The following SPATA2L variants were observed in gnomAD, a reference collection of about 807,000 sequenced individuals.
The protein encoded by SPATA2L is spermatogenesis associated 2 like, also known as spermatogenesis-associated protein 2-like protein.
In SPATA2L, 5 loss-of-function variants were observed where a neutral mutation model predicts 8.7. The ratio of observed to expected loss-of-function variants is 0.57; its 90% CI spans 0.30 to 1.21. The LOEUF (loss-of-function observed/expected upper bound fraction) is 1.21. Ranked by LOEUF, SPATA2L falls within the 50% of genes most tolerant of loss-of-function variation. The pLI is 0.07. For missense variants in SPATA2L, 671 were observed against 591.0 expected (o/e 1.14, Z -1.40); for synonymous variants, 358 against 275.8 (o/e 1.30, Z -2.95).
Position 89,701,252 on chromosome 16 carries a change from G to A in SPATA2L, c.-1-19C>T, listed in dbSNP as rs1471487870. ...GCCCATCCTGCGGCGGACGGGGGTC[G>A]GGGGGGTCAGGGACCTAAGGCCGCG... On this transcript the variant is annotated intron_variant, in intron 1 of 2. Transcript: ENST00000289805. The A allele has an allele frequency of 2.9e-6, 4 of 1,383,976 alleles. No individual in the cohort carries two copies. Among genetic ancestry groups the A allele is most frequent in the Non-Finnish European group, 3.7e-6 (4 of 1,069,768 alleles). 85.7% of individuals were successfully genotyped at this position (1,383,976 alleles called of 1,614,324 possible).
At chr16:89,699,286 T>C (rs2151611139) in intron 2 of SPATA2L, among the ~76,000 whole-genome samples, 1 of 152,318 alleles carries the variant, frequency 6.6e-6, no homozygotes, top group South Asian at 2.1e-4. Context: ...ACAGATTTCG[T>C]TTGCTCCTCG....
chr16:89,697,702 C>G lies in SPATA2L; in HGVS notation c.907G>C (p.Glu303Gln). 1 of 1,612,074 alleles carries G rather than the reference C, an allele frequency of 6.2e-7. No homozygotes were observed. Among genetic ancestry groups the G allele is most frequent in the Non-Finnish European group, 8.5e-7 (1 of 1,179,520 alleles). The change falls in exon 3 of 3, where the codon GAA becomes CAA. Residue 303 changes from glutamate to glutamine, a missense_variant. By Grantham distance (29) the Glu-to-Gln change is conservative. Transcript: ENST00000289805. ...YGALEEGLEP[E>Q]PSAFSFLSLR... The stretch of plus-strand genomic sequence containing the variant: ...GAGAGGAAGGAGAAGGCGGAAGGTT[C>G]AGGTTCCAGCCCCTCCTCCAAGGCC...
intron 2 of SPATA2L, among the ~76,000 whole-genome samples, chr16:89,699,553 C>CT (rs374276446): frequency 0.033 from 4,701 of 142,064 alleles, 130 homozygotes; most frequent in African/African-American, 0.076. Context: ...GGTGAGTGCT[C>CT]TTTTTTTTTT....
chr16:89,701,388 A>C, intron 1 of SPATA2L, 155 bp from the exon 2 acceptor site: 1 of 661,612 alleles, frequency 1.5e-6, no homozygotes, highest in Non-Finnish European at 2.3e-6. Flanking sequence ...GGCACCCCCT[A>C]CGCTGGAGAC....
chr16:89,696,549 C>T lies in SPATA2L; in HGVS notation c.*785G>A, dbSNP rs1037268705. On this transcript the variant is annotated 3_prime_UTR_variant, in exon 3 of 3. Coordinates refer to ENST00000289805, the MANE Select transcript of SPATA2L (RefSeq NM_152339.4). Reference sequence around the variant, plus strand: ...AGACCCGAGGGTAGGGCAGAGGCACCTCCTCGCCAGCCTGTGGGCTGCACC... The same window carrying T: ...AGACCCGAGGGTAGGGCAGAGGCACTTCCTCGCCAGCCTGTGGGCTGCACC... 8 of 462,340 alleles carry T rather than the reference C, an allele frequency of 1.7e-5. No individual in the cohort carries two copies. Among genetic ancestry groups the T allele is most frequent in the Non-Finnish European group, 3.1e-5 (8 of 259,748 alleles). The allele number at this position is 462,340 out of a possible 1,614,324, so 28.6% of individuals were successfully genotyped here.
At chr16:89,700,111 CA>C (rs772344161) in intron 2 of SPATA2L, among the ~76,000 whole-genome samples, 3 of 152,210 alleles carry the variant, frequency 2.0e-5, no homozygotes, top group Non-Finnish European at 4.4e-5. Flanking sequence ...CTAATTTGGC[CA>C]AGTCCTCGCG....
intron 2 of SPATA2L, among the ~76,000 whole-genome samples, chr16:89,699,924 G>C (rs2060764817): frequency 6.6e-6 from 1 of 152,212 alleles, no homozygotes; most frequent in African/African-American, 2.4e-5. Context: ...AGCGTCTCCT[G>C]ACTCTCAAAT....
chr16:89,696,928 T>C lies in SPATA2L; in HGVS notation c.*406A>G. The stretch of plus-strand genomic sequence containing the variant: ...TGAGGACACTCGTGTGGAGAATCCC[T>C]GGGACACGTGGAGGACCCCCAAGTC... On this transcript the variant is annotated 3_prime_UTR_variant, in exon 3 of 3. Coordinates refer to ENST00000289805, the MANE Select transcript of SPATA2L (RefSeq NM_152339.4). 6.6e-7 allele frequency: 1 copy of C among 1,518,014 alleles called. No homozygotes were observed. The highest frequency in any genetic ancestry group is 1.4e-5 in the African/African-American group (1 of 72,912). 94.0% of individuals were successfully genotyped at this position (1,518,014 alleles called of 1,614,324 possible). A position where few individuals can be genotyped will look rare whatever the true frequency, so the allele number is the denominator to read the frequency against.
rs988361519 is a variant in SPATA2L, at chr16:89,697,222, T to C, written c.*112A>G. The C allele has an allele frequency of 9.5e-5, 133 of 1,393,016 alleles. 1 individual carries two copies. The highest frequency in any genetic ancestry group is 8.0e-4 in the East Asian group (31 of 38,674). The allele number at this position is 1,393,016 out of a possible 1,614,324, so 86.3% of individuals were successfully genotyped here. A position where few individuals can be genotyped will look rare whatever the true frequency, so the allele number is the denominator to read the frequency against. ...GCCTGGACTCTCCAACCCCCTGCTG[T>C]GCCCAGGACTCCCCCAGGGACAAGG... is the stretch of plus-strand genomic sequence containing the variant. On this transcript the variant is annotated 3_prime_UTR_variant, in exon 3 of 3. Transcript: ENST00000289805.
At position 89,697,348 on chromosome 16, in the gene SPATA2L, CG is replaced by C; in HGVS notation, c.1260del (p.Ala422ProfsTer175). ...AQMDTLLYNS[P>X]GARP is the part of the protein sequence containing the mutation. ...GCCCAGCTGGCCTAGGGCCGGGCCC[CG>C]GGGCTGTTGTAGAGCAGAGTGTCCA... On this transcript the variant is annotated frameshift_variant, in exon 3 of 3. Coordinates refer to ENST00000289805, the MANE Select transcript of SPATA2L (RefSeq NM_152339.4). LOFTEE classifies it high-confidence loss of function. 1 of 1,518,780 alleles carries C rather than the reference CG, an allele frequency of 6.6e-7. No homozygotes were observed. Among genetic ancestry groups the C allele is most frequent in the East Asian group, 2.3e-5 (1 of 43,462 alleles). 94.1% of individuals were successfully genotyped at this position (1,518,780 alleles called of 1,614,324 possible).
chr16:89,698,295 C>T lies in SPATA2L; in HGVS notation c.314G>A (p.Gly105Glu). ...KEFTTIKTFS[G>E]GYVHVLKGVL... ...ACCCTTCAGCACGTGCACGTAGCCC[C>T]CAGAGAAGGTCTGCAAGGGAGCGGC... The change falls in exon 3 of 3, where the codon GGG becomes GAG. Residue 105 changes from glycine to glutamate, a missense_variant. Transcript: ENST00000289805. 1 of 1,564,956 alleles carries T rather than the reference C, an allele frequency of 6.4e-7. No individual in the cohort carries two copies. Among genetic ancestry groups the T allele is most frequent in the Non-Finnish European group, 8.7e-7 (1 of 1,151,634 alleles).
chr16:89,699,868 C>G (rs1315665543), intron 2 of SPATA2L, among the ~76,000 whole-genome samples: 1 of 152,184 alleles, frequency 6.6e-6, no homozygotes, highest in Non-Finnish European at 1.5e-5. Context: ...TGCTTTCTAG[C>G]CTACACTTAG....
In SPATA2L at chr16:89,697,009, C is replaced by CG; in HGVS notation, c.*324_*325insC. The stretch of plus-strand genomic sequence containing the variant: ...AGGCCAGGAGCCACGGGCCTTGGGG[C>CG]ACAGGGTCCTTCTCAGGGACAGGTT... On this transcript the variant is annotated 3_prime_UTR_variant, in exon 3 of 3. Transcript: ENST00000289805. 3 of 1,422,020 alleles carry CG rather than the reference C, an allele frequency of 2.1e-6. No homozygotes were observed. Among genetic ancestry groups the CG allele is most frequent in the African/African-American group, 2.9e-5 (2 of 69,976 alleles). 88.1% of individuals were successfully genotyped at this position (1,422,020 alleles called of 1,614,324 possible).
chr16:89,700,793 C>T (rs1001016784), intron 2 of SPATA2L, 137 bp downstream of exon 2: 1 of 988,248 alleles, frequency 1.0e-6, no homozygotes, highest in African/African-American at 1.7e-5. Flanking sequence ...CCTCAGCGCT[C>T]GGAGCCTTGA....
chr16:89,700,821 G>A (rs868077166), intron 2 of SPATA2L, 109 bp downstream of exon 2: 43 of 1,234,850 alleles, frequency 3.5e-5, no homozygotes, highest in Middle Eastern at 2.9e-4. Flanking sequence ...ACCAGGCACT[G>A]AGGACACTTG....
At position 89,696,962 on chromosome 16, in the gene SPATA2L, C is replaced by A. The variant is rs1166022513; in HGVS notation, c.*372G>T. The A allele has an allele frequency of 2.7e-6, 4 of 1,484,798 alleles. No individual in the cohort carries two copies. The highest frequency in any genetic ancestry group is 3.6e-6 in the Non-Finnish European group (4 of 1,115,866). The allele number at this position is 1,484,798 out of a possible 1,614,324, so 92.0% of individuals were successfully genotyped here. On this transcript the variant is annotated 3_prime_UTR_variant, in exon 3 of 3. Transcript: ENST00000289805. ...TGGAGGACCCCCAAGTCCTGAGCCCCGTACTCCGTACTGCAGGGAGCAGGC... is the reference window on the plus strand; with the variant it reads ...TGGAGGACCCCCAAGTCCTGAGCCCAGTACTCCGTACTGCAGGGAGCAGGC...
intron 1 of SPATA2L, 157 bp downstream of exon 1, chr16:89,701,471 C>G: frequency 2.4e-6 from 1 of 417,146 alleles, no homozygotes; most frequent in Non-Finnish European, 4.2e-6. Flanking sequence ...ACCTCCAGCC[C>G]CTCCCTCCAG....
chr16:89,697,333 C>G lies in SPATA2L; in HGVS notation c.*1G>C, dbSNP rs751294655. On this transcript the variant is annotated 3_prime_UTR_variant, in exon 3 of 3. Coordinates refer to ENST00000289805, the MANE Select transcript of SPATA2L (RefSeq NM_152339.4). ...AGCCCTTGACCTGGGGCCCAGCTGG[C>G]CTAGGGCCGGGCCCCGGGGCTGTTG... 2 of 1,504,908 alleles carry G rather than the reference C, an allele frequency of 1.3e-6. No individual in the cohort carries two copies. The highest frequency in any genetic ancestry group is 1.8e-6 in the Non-Finnish European group (2 of 1,127,472). 93.2% of individuals were successfully genotyped at this position (1,504,908 alleles called of 1,614,324 possible).
In SPATA2L at chr16:89,700,969, C is replaced by T. The variant is rs1164067575; in HGVS notation, c.264G>A (p.Leu88=). The change falls in exon 2 of 3, where the codon CTG becomes CTA. Residue 88 remains leucine, a synonymous_variant. Coordinates refer to ENST00000289805, the MANE Select transcript of SPATA2L (RefSeq NM_152339.4). ...FELLELAAVH[L]YLLPWRKEFT... is the part of the protein sequence containing the mutation. The stretch of plus-strand genomic sequence containing the variant: ...ACTCCTTCCTCCAGGGCAGCAGGTA[C>T]AGGTGCACCGCGGCGAGCTCCAGAA... The T allele has an allele frequency of 1.3e-6, 2 of 1,548,396 alleles. No individual in the cohort carries two copies. Among genetic ancestry groups the T allele is most frequent in the East Asian group, 4.8e-5 (2 of 41,376 alleles).
Sources: allele counts gnomAD v4.1 joint callset (sites outside exome capture counted in the v4.1 genomes callset), GRCh38; gene constraint gnomAD v4.1.1; transcripts MANE v1.5; gene names NCBI Gene and HGNC (gene_info 2026-07-23, HGNC 2026-07-21).